MSRA: variants seen among roughly 807,000 people sequenced by gnomAD.
MSRA encodes methionine sulfoxide reductase A, also known as mitochondrial peptide methionine sulfoxide reductase.
A neutral mutation model predicts 31.3 loss-of-function variants in MSRA; 54 were observed. The observed-to-expected ratio is 1.73, with a 90% CI of 1.39 to 2.17. The LOEUF is 2.17. Ranked by LOEUF, MSRA falls within the 30% of genes most tolerant of loss-of-function variation. The probability of loss-of-function intolerance (pLI) is 0.00; values close to 1 mark genes in which losing one functional copy is unlikely to be tolerated. For synonymous variants in MSRA, 169 were observed against 116.5 expected (o/e 1.45, Z -2.90); for missense variants, 507 against 300.9 (o/e 1.69, Z -5.07).
chr8:10,353,356 C>T (rs1307659311), intron 5 of MSRA, among the ~76,000 whole-genome samples: 2 of 152,172 alleles, frequency 1.3e-5, no homozygotes, highest in Non-Finnish European at 1.5e-5. Context: ...GAAATTGCTA[C>T]GCTGATCTGG....
rs142292702 is a variant in MSRA, at chr8:10,409,693, A to G, written c.544-18455A>G. 8.2e-4 allele frequency among the ~76,000 whole-genome samples: 125 copies of G among 152,338 alleles called. 1 individual carries two copies. The highest frequency in any genetic ancestry group is 2.7e-3 in the African/African-American group (111 of 41,576). On this transcript the variant is annotated intron_variant, in intron 5 of 5. Transcript: ENST00000317173. ...CCTAGGCCCTCCTCGCCCCACCAAC[A>G]TGCACGTGCTTGTCCTTGTCTCCCA...
rs536647828 is a variant in MSRA at position 10,358,624 on chromosome 8, G to A, written c.543+38635G>A. On this transcript the variant is annotated intron_variant, in intron 5 of 5. Coordinates refer to ENST00000317173, the MANE Select transcript of MSRA (RefSeq NM_012331.5). ...TTTTTTTTTTTTGAGACGGAGTCTC[G>A]CTCTGTCGCCCAGGCTGGAGTGCAG... Among the ~76,000 whole-genome samples the A allele has an allele frequency of 5.6e-4, 63 of 111,592 alleles. 1 individual carries two copies. Among genetic ancestry groups the A allele is most frequent in the African/African-American group, 2.2e-3 (59 of 26,978 alleles). 73.2% of individuals were successfully genotyped at this position (111,592 alleles called of 152,430 possible).
Position 10,236,564 on chromosome 8 carries a change from C to T in MSRA, c.212-8540C>T, listed in dbSNP as rs114788116. Among the ~76,000 whole-genome samples the T allele has an allele frequency of 2.6e-3, 390 of 152,230 alleles. 2 individuals carry two copies. Among genetic ancestry groups the T allele is most frequent in the South Asian group, 0.014 (69 of 4,818 alleles). On this transcript the variant is annotated intron_variant, in intron 2 of 5. Coordinates refer to ENST00000317173, the MANE Select transcript of MSRA (RefSeq NM_012331.5). Reference sequence around the variant, plus strand: ...AATATTTAAGATCTTTATTTTCTTGCGATGGAGTCTCACTCGCTCACTCAA... The same window carrying T: ...AATATTTAAGATCTTTATTTTCTTGTGATGGAGTCTCACTCGCTCACTCAA...
At chr8:10,092,993 A>G (rs1798932457) in intron 1 of MSRA, among the ~76,000 whole-genome samples, 1 of 152,166 alleles carries the variant, frequency 6.6e-6, no homozygotes, top group Non-Finnish European at 1.5e-5. Context: ...TTGTTAGTAT[A>G]ACCATTCTAG....
chr8:10,406,071 G>A (rs1287898596), intron 5 of MSRA, among the ~76,000 whole-genome samples: 2 of 152,236 alleles, frequency 1.3e-5, no homozygotes, highest in East Asian at 1.9e-4. Flanking sequence ...ACCCATTAGT[G>A]GGAACTAAAG....
At chr8:10,420,472 G>A (rs35338507) in intron 5 of MSRA, among the ~76,000 whole-genome samples, 39,733 of 152,052 alleles carry the variant, frequency 0.26, 5,447 homozygotes, top group Non-Finnish European at 0.31. Flanking sequence ...CAACAAATAC[G>A]TCTTATTTCT....
At chr8:10,237,631 T>G (rs962326343) in intron 2 of MSRA, among the ~76,000 whole-genome samples, 1 of 152,198 alleles carries the variant, frequency 6.6e-6, no homozygotes, top group Non-Finnish European at 1.5e-5. Context: ...TTTTGACTCA[T>G]TAAAACTAGC....
intron 1 of MSRA, among the ~76,000 whole-genome samples, chr8:10,087,959 C>A (rs1798653881): frequency 6.6e-6 from 1 of 152,252 alleles, no homozygotes; most frequent in Admixed American, 6.5e-5. Flanking sequence ...TTTGCCATTA[C>A]TTTTAATGGC....
Position 10,425,188 on chromosome 8 carries a change from G to T in MSRA, c.544-2960G>T, listed in dbSNP as rs538530676. On this transcript the variant is annotated intron_variant, in intron 5 of 5. Transcript: ENST00000317173. ...CTGGGAAGGACAACCGAAGCCTGCAGATTGACGCCACGCTCATCGCAGGCC... is the reference window on the plus strand; with the variant it reads ...CTGGGAAGGACAACCGAAGCCTGCATATTGACGCCACGCTCATCGCAGGCC... Among the ~76,000 whole-genome samples, 11 of 152,322 alleles carry T rather than the reference G, an allele frequency of 7.2e-5. No individual in the cohort carries two copies. In the South Asian group the frequency reaches 2.3e-3, roughly 32 times the overall value.
rs189000237 is a variant in MSRA at position 10,345,501 on chromosome 8, G to A, written c.543+25512G>A. ...CCTGACTTCAGCACACACATACACA[G>A]ACACACACTTCTGTTTCATCTTCCA... On this transcript the variant is annotated intron_variant, in intron 5 of 5. Transcript: ENST00000317173. Among the ~76,000 whole-genome samples, 18 of 152,234 alleles carry A rather than the reference G, an allele frequency of 1.2e-4. No homozygotes were observed. In the East Asian group the frequency reaches 3.5e-3, roughly 29 times the overall value.
At chr8:10,145,459 C>G (rs17151201) in intron 1 of MSRA, among the ~76,000 whole-genome samples, 28,676 of 152,068 alleles carry the variant, frequency 0.19, 3,640 homozygotes, top group East Asian at 0.55. Flanking sequence ...GAAGAGTGTA[C>G]CATCTGATTT....
chr8:10,283,822 TATATATATATATATACACAC>T (rs1245279114), intron 3 of MSRA, among the ~76,000 whole-genome samples: 16 of 72,308 alleles, frequency 2.2e-4, no homozygotes, highest in East Asian at 5.4e-4. Context: ...TATATATATA[TATATATATATATATACACAC>T]ACACACACAC....
At chr8:10,071,381 A>G (rs950991102) in intron 1 of MSRA, among the ~76,000 whole-genome samples, 2 of 149,470 alleles carry the variant, frequency 1.3e-5, no homozygotes, top group African/African-American at 2.5e-5. Flanking sequence ...TCTTTTATAT[A>G]TTCTCATTAC....
At chr8:10,219,333 G>A (rs992748593) in intron 2 of MSRA, among the ~76,000 whole-genome samples, 1 of 152,102 alleles carries the variant, frequency 6.6e-6, no homozygotes, top group Non-Finnish European at 1.5e-5. Context: ...GAAGGTGTAG[G>A]TAAAACTGTT....
chr8:10,101,348 A>T (rs924163018), intron 1 of MSRA, among the ~76,000 whole-genome samples: 4 of 152,296 alleles, frequency 2.6e-5, no homozygotes, highest in African/African-American at 9.6e-5. Flanking sequence ...GTTTTACAAA[A>T]TTATTTTTTT....
chr8:10,350,437 G>T (rs937646718), intron 5 of MSRA, among the ~76,000 whole-genome samples: 1 of 152,148 alleles, frequency 6.6e-6, no homozygotes, highest in African/African-American at 2.4e-5. Context: ...GCTTCCGAAG[G>T]CATTTAGATC....
rs536880019 is a variant in MSRA at position 10,416,785 on chromosome 8, C to T, written c.544-11363C>T. The stretch of plus-strand genomic sequence containing the variant: ...GACTTTGCATTTCTTGCAAACTTTG[C>T]AGGCTGTCTGAGGAGCAAGGGCAGA... On this transcript the variant is annotated intron_variant, in intron 5 of 5. Coordinates refer to ENST00000317173, the MANE Select transcript of MSRA (RefSeq NM_012331.5). Among the ~76,000 whole-genome samples the T allele has an allele frequency of 5.9e-5, 9 of 152,360 alleles. No individual in the cohort carries two copies. In the East Asian group the frequency reaches 1.3e-3, roughly 23 times the overall value.
intron 5 of MSRA, among the ~76,000 whole-genome samples, chr8:10,406,077 T>C (rs917155467): frequency 3.3e-5 from 5 of 152,240 alleles, no homozygotes; most frequent in African/African-American, 1.2e-4. Context: ...TAGTGGGAAC[T>C]AAAGAGTTTA....
chr8:10,055,171 G>GAAAA (rs33918720), intron 1 of MSRA, among the ~76,000 whole-genome samples: 4 of 214 alleles, frequency 0.019, no homozygotes, highest in Admixed American at 0.11. Flanking sequence ...TGTTCTGGCT[G>GAAAA]AGTCACCCCT....
Sources: gnomAD v4.1 joint callset for allele counts (sites outside exome capture counted in the v4.1 genomes callset) on GRCh38, gnomAD v4.1.1 for gene constraint, MANE v1.5 for transcripts, NCBI Gene and HGNC (gene_info 2026-07-23, HGNC 2026-07-21) for gene names.